ZNF841: variants seen among roughly 807,000 people sequenced by gnomAD.
The protein encoded by ZNF841 is zinc finger protein 841, also known as TCONS_00006091.
A neutral mutation model predicts 13.0 loss-of-function variants in ZNF841; 11 were observed. The observed-to-expected ratio is 0.85, with a 90% confidence interval of 0.53 to 1.40. The LOEUF is 1.40. Among genes scored for constraint, ZNF841 ranks in the 40% most tolerant of loss-of-function variants. The pLI is 0.00. For synonymous variants in ZNF841, 369 were observed against 381.6 expected (o/e 0.97, Z 0.38); for missense variants, 1,068 against 1,139.5 (o/e 0.94, Z 0.90).
chr19:52,089,630 G>A (rs76094721), intron 2 of ZNF841, among the ~76,000 whole-genome samples: 24,703 of 151,936 alleles, frequency 0.16, 2,585 homozygotes, highest in East Asian at 0.39. Flanking sequence ...CTGAGCAACC[G>A]AGCAAAAAAT....
chr19:52,069,937 A>C (rs2087693153), intron 6 of ZNF841, among the ~76,000 whole-genome samples: 1 of 152,252 alleles, frequency 6.6e-6, no homozygotes, highest in Non-Finnish European at 1.5e-5. Flanking sequence ...TTATTAAACA[A>C]ATTTGTGAGT....
Position 52,066,537 on chromosome 19 carries a change from T to G in ZNF841, c.1345A>C (p.Ile449Leu). The change falls in exon 7 of 7, where the codon ATA (isoleucine) becomes CTA (leucine). Residue 449 changes from isoleucine (I) to leucine (L), a missense_variant. By Grantham distance (5) the Ile-to-Leu change is conservative. Transcript: ENST00000594440. ...TAAGGTGTCTCTCCAGTATGAATTA[T>G]CTGGTGCCTTACAAGTTGTGAATTC... ...YQNSQLVRHQ[I>L]IHTGETPYKC... The G allele has an allele frequency of 6.2e-7, 1 of 1,613,842 alleles. No homozygotes were observed. The highest frequency in any genetic ancestry group is 8.5e-7 in the Non-Finnish European group (1 of 1,179,824).
At chr19:52,091,928 G>A (rs937646037) in intron 2 of ZNF841, among the ~76,000 whole-genome samples, 1 of 152,108 alleles carries the variant, frequency 6.6e-6, no homozygotes, top group African/African-American at 2.4e-5. Flanking sequence ...GACAGGCAGA[G>A]CACTTGAGGT....
In ZNF841 at chr19:52,070,529, C is replaced by T. The variant is rs923292813; in HGVS notation, c.272-2919G>A. Among the ~76,000 whole-genome samples, 17 of 152,208 alleles carry T rather than the reference C, an allele frequency of 1.1e-4. 1 individual carries two copies. Among genetic ancestry groups the T allele is most frequent in the Admixed American group, 1.1e-3 (17 of 15,276 alleles). On this transcript the variant is annotated intron_variant, in intron 6 of 6. Coordinates refer to ENST00000594440, the MANE Select transcript of ZNF841 (RefSeq NM_001136499.2). ...AGGCTCTAGATATGGCAGTAGATAA[C>T]CCTGGCACCAGGAAGTGATTGCCTC... is the stretch of plus-strand genomic sequence containing the variant.
In ZNF841 at chr19:52,065,502, T is replaced by C; in HGVS notation, c.2380A>G (p.Lys794Glu). The change falls in exon 7 of 7, where the codon AAA becomes GAA. Residue 794 changes from lysine (K) to glutamate (E), a missense_variant. Physicochemically the swap from Lys to Glu is moderately conservative, Grantham distance 56. Transcript: ENST00000594440. ...WSIHTGEKPY[K>E]CNECGKAFRV... ...AAGGCTTTGCCACACTCATTACATT[T>C]GTAAGGTTTCTCTCCAGTATGAATA... 16 of 1,614,200 alleles carry C rather than the reference T, an allele frequency of 9.9e-6. No individual in the cohort carries two copies. Among genetic ancestry groups the C allele is most frequent in the Non-Finnish European group, 1.3e-5 (15 of 1,180,024 alleles).
Position 52,065,053 on chromosome 19 carries a change from C to T in ZNF841, c.*54G>A, listed in dbSNP as rs1171013609. On this transcript the variant is annotated 3_prime_UTR_variant, in exon 7 of 7. Transcript: ENST00000594440. ...AATACTGGAGATTACTACAATTCCA[C>T]ATGAGACTTCAAAGGGAAAGGACAA... 38 of 1,395,200 alleles carry T rather than the reference C, an allele frequency of 2.7e-5. No individual in the cohort carries two copies. The highest frequency in any genetic ancestry group is 1.5e-4 in the Admixed American group (5 of 33,810). The allele number at this position is 1,395,200 out of a possible 1,614,324, so 86.4% of individuals were successfully genotyped here. A position where few individuals can be genotyped will look rare whatever the true frequency, so the allele number is the denominator to read the frequency against.
At position 52,065,497 on chromosome 19, in the gene ZNF841, A is replaced by G; in HGVS notation, c.2385T>C (p.Cys795=). The G allele has an allele frequency of 1.2e-6, 2 of 1,613,946 alleles. No individual in the cohort carries two copies. The highest frequency in any genetic ancestry group is 1.7e-6 in the Non-Finnish European group (2 of 1,179,978). ...CTCTAAAGGCTTTGCCACACTCATT[A>G]CATTTGTAAGGTTTCTCTCCAGTAT... ...SIHTGEKPYK[C]NECGKAFRVR... Residue 795 remains cysteine (C), a synonymous_variant, in exon 7 of 7, where the codon TGT becomes TGC. Transcript: ENST00000594440.
chr19:52,060,475 G>A (rs1224852992), downstream of ZNF841, among the ~76,000 whole-genome samples: 1 of 152,186 alleles, frequency 6.6e-6, no homozygotes, highest in African/African-American at 2.4e-5. Flanking sequence ...TGGTTAAGGT[G>A]AGGAACCTGA....
chr19:52,068,929 G>A lies in ZNF841; in HGVS notation c.272-1319C>T, dbSNP rs894057591. On this transcript the variant is annotated intron_variant, in intron 6 of 6. Transcript: ENST00000594440. ...GGAGGTTGCAGTCAGCCAAGATCAC[G>A]ACACTGCACTTCAGCCTGGGCAACA... is the stretch of plus-strand genomic sequence containing the variant. Among the ~76,000 whole-genome samples the A allele has an allele frequency of 7.9e-5, 12 of 152,060 alleles. No homozygotes were observed. The East Asian group carries it at 1.7e-3, about 22-fold the overall frequency.
chr19:52,067,447 C>A lies in ZNF841; in HGVS notation c.435G>T (p.Trp145Cys). 4 of 1,551,390 alleles carry A rather than the reference C, an allele frequency of 2.6e-6. No individual in the cohort carries two copies. In the South Asian group the frequency reaches 3.6e-5, roughly 14 times the overall value. Residue 145 changes from tryptophan (W) to cysteine (C), a missense_variant, in exon 7 of 7, where the codon TGG (tryptophan) becomes TGT (cysteine). Coordinates refer to ENST00000594440, the MANE Select transcript of ZNF841 (RefSeq NM_001136499.2). The stretch of plus-strand genomic sequence containing the variant: ...CTTTATAATTTATTTCACCATCTTT[C>A]CATTGAAAGTCAACTTCCTGTAGAT... ...RKNLQEVDFQ[W>C]KDGEINYKEG... is the part of the protein sequence containing the mutation.
chr19:52,071,667 T>C (rs2123251956), intron 6 of ZNF841, among the ~76,000 whole-genome samples: 1 of 152,218 alleles, frequency 6.6e-6, no homozygotes, highest in Non-Finnish European at 1.5e-5. Flanking sequence ...AAATCTAAAG[T>C]GTTTTCTGTA....
Position 52,067,599 on chromosome 19 carries a change from T to C in ZNF841, c.283A>G (p.Lys95Glu). The change falls in exon 7 of 7, where the codon AAA becomes GAA. Residue 95 changes from lysine to glutamate, a missense_variant. Transcript: ENST00000594440. ...MKGVITGISP[K>E]CVIKELPPIQ... The stretch of plus-strand genomic sequence containing the variant: ...GGTGGTAATTCCTTGATCACACATT[T>C]AGGAGAGATACCTGCAAAATATAAT... 6.6e-7 allele frequency: 1 copy of C among 1,516,288 alleles called. No homozygotes were observed. Among genetic ancestry groups the C allele is most frequent in the Non-Finnish European group, 8.8e-7 (1 of 1,137,444 alleles). 93.9% of individuals were successfully genotyped at this position (1,516,288 alleles called of 1,614,324 possible).
Position 52,067,440 on chromosome 19 carries a change from C to T in ZNF841, c.442G>A (p.Gly148Ser). Residue 148 changes from glycine (G) to serine (S), a missense_variant, in exon 7 of 7, where the codon GGT becomes AGT. Coordinates refer to ENST00000594440, the MANE Select transcript of ZNF841 (RefSeq NM_001136499.2). ...LQEVDFQWKDGEINYKEGPMT... is the reference protein window; with the variant it reads ...LQEVDFQWKDSEINYKEGPMT... ...GGCCCTTCTTTATAATTTATTTCAC[C>T]ATCTTTCCATTGAAAGTCAACTTCC... 1 of 1,550,212 alleles carries T rather than the reference C, an allele frequency of 6.5e-7. No homozygotes were observed. Among genetic ancestry groups the T allele is most frequent in the Non-Finnish European group, 8.7e-7 (1 of 1,146,782 alleles).
At chr19:52,071,105 A>G (rs1277123408) in intron 6 of ZNF841, among the ~76,000 whole-genome samples, 2 of 152,224 alleles carry the variant, frequency 1.3e-5, no homozygotes, top group Non-Finnish European at 2.9e-5. Context: ...TGTACTGACT[A>G]ATACTTAAAC....
At chr19:52,083,036 C>T (rs1382514440) in intron 4 of ZNF841, among the ~76,000 whole-genome samples, 1 of 150,298 alleles carries the variant, frequency 6.7e-6, no homozygotes, top group East Asian at 2.0e-4. Flanking sequence ...GCTGAGATTG[C>T]GTCACTGCAC....
intron 4 of ZNF841, among the ~76,000 whole-genome samples, chr19:52,081,229 TAAATGCTACATA>T (rs1248702118): frequency 6.6e-5 from 10 of 152,224 alleles, no homozygotes; most frequent in Non-Finnish European, 1.5e-4. Flanking sequence ...TAATACAATG[TAAATGCTACATA>T]AGTAGTTGTT....
chr19:52,060,420 T>A (rs575381939), downstream of ZNF841, among the ~76,000 whole-genome samples: 4 of 152,284 alleles, frequency 2.6e-5, no homozygotes, highest in East Asian at 7.7e-4. Context: ...CATTCTCTGG[T>A]GAAACTGGAA....
the ZNF841 span, chr19:52,058,729 TAACA>T: frequency 7.2e-5 from 11 of 153,134 alleles, no homozygotes; most frequent in Non-Finnish European, 1.5e-4. Flanking sequence ...AAAAATTGAA[TAACA>T]AAAAAGCCAT....
intron 4 of ZNF841, among the ~76,000 whole-genome samples, chr19:52,082,760 G>A (rs539897170): frequency 6.6e-6 from 1 of 152,234 alleles, no homozygotes; most frequent in South Asian, 2.1e-4. Context: ...TGCAAAATAC[G>A]CTATTAGTGT....
Sources: allele counts gnomAD v4.1 joint callset (sites outside exome capture counted in the v4.1 genomes callset), GRCh38; gene constraint gnomAD v4.1.1; transcripts MANE v1.5; gene names NCBI Gene and HGNC (gene_info 2026-07-23, HGNC 2026-07-21).